EIF5A2: variants seen among roughly 807,000 people sequenced by gnomAD.
EIF5A2 encodes the protein eukaryotic translation initiation factor 5A-2.
In EIF5A2, 15 loss-of-function variants were observed where a neutral mutation model predicts 16.4. The observed-to-expected ratio is 0.92, with a 90% confidence interval of 0.61 to 1.41. The LOEUF is 1.41. EIF5A2 is among the 40% of genes most tolerant of loss of function. The probability of loss-of-function intolerance (pLI) is 0.00; values close to 1 mark genes in which losing one functional copy is unlikely to be tolerated. For missense variants in EIF5A2, 144 were observed against 189.5 expected, an observed-to-expected ratio of 0.76 and a Z score of 1.41; for synonymous variants, 48 against 61.1, an observed-to-expected ratio of 0.79 and a Z score of 1.00.
chr3:170,895,346 A>C (rs1712643110), intron 3 of EIF5A2, among the ~76,000 whole-genome samples: 1 of 152,112 alleles, frequency 6.6e-6, no homozygotes, highest in Admixed American at 6.5e-5. Flanking sequence ...GAAAAAAAAA[A>C]ACCCAGTTGT....
intron 3 of EIF5A2, 93 bp from the exon 4 acceptor site, chr3:170,894,516 T>C: frequency 1.8e-6 from 2 of 1,083,868 alleles, no homozygotes; most frequent in Non-Finnish European, 2.7e-6. Context: ...TATTAATTCA[T>C]ATAAGTATAC....
intron 3 of EIF5A2, among the ~76,000 whole-genome samples, chr3:170,902,361 G>T (rs1332560934): frequency 6.7e-6 from 1 of 149,506 alleles, no homozygotes; most frequent in Non-Finnish European, 1.5e-5. Context: ...GTGTGGATTT[G>T]CACTGATTAT....
In EIF5A2 at chr3:170,892,741, A is replaced by G. The variant is rs1576785529; in HGVS notation, c.*619T>C. On this transcript the variant is annotated 3_prime_UTR_variant, in exon 5 of 5. Coordinates refer to ENST00000295822, the MANE Select transcript of EIF5A2 (RefSeq NM_020390.6). The stretch of plus-strand genomic sequence containing the variant: ...ACAGTTCAGTGCCCTTCTGCCAACC[A>G]TAAGAAGGGACTAAAACCACCATAT... 1.3e-5 allele frequency: 5 copies of G among 398,598 alleles called. No individual in the cohort carries two copies. Among genetic ancestry groups the G allele is most frequent in the East Asian group, 3.6e-5 (1 of 28,052 alleles). 24.7% of individuals were successfully genotyped at this position (398,598 alleles called of 1,614,324 possible).
intron 3 of EIF5A2, among the ~76,000 whole-genome samples, chr3:170,895,395 G>A (rs1051595565): frequency 6.6e-6 from 1 of 151,016 alleles, no homozygotes; most frequent in Non-Finnish European, 1.5e-5. Flanking sequence ...TGATACCACT[G>A]AACTTCTTTT....
intron 4 of EIF5A2, among the ~76,000 whole-genome samples, chr3:170,893,657 C>A (rs146924911): frequency 1.3e-5 from 2 of 152,154 alleles, no homozygotes; most frequent in Non-Finnish European, 2.9e-5. Context: ...ACTTACTACC[C>A]GTTACATTTC....
intron 3 of EIF5A2, among the ~76,000 whole-genome samples, chr3:170,904,358 C>T (rs974280248): frequency 6.6e-6 from 1 of 152,096 alleles, no homozygotes; most frequent in African/African-American, 2.4e-5. Flanking sequence ...AGCCAACTGC[C>T]GAACTGGCAC....
chr3:170,897,443 G>T (rs572085031), intron 3 of EIF5A2, among the ~76,000 whole-genome samples: 2 of 152,334 alleles, frequency 1.3e-5, no homozygotes, highest in Admixed American at 1.3e-4. Flanking sequence ...GAGCCCTGCT[G>T]CTCTGTATAG....
chr3:170,893,716 A>G (rs1180149253), intron 4 of EIF5A2, among the ~76,000 whole-genome samples: 2 of 152,202 alleles, frequency 1.3e-5, no homozygotes, highest in African/African-American at 4.8e-5. Flanking sequence ...TTAACATTCC[A>G]CTAGCATCAT....
chr3:170,907,476 T>C (rs985209928), intron 2 of EIF5A2, among the ~76,000 whole-genome samples, 166 bp downstream of exon 2: 2 of 152,234 alleles, frequency 1.3e-5, no homozygotes, highest in African/African-American at 4.8e-5. Context: ...AAGGGAATGC[T>C]ACCTTTAAGT....
chr3:170,896,589 T>A (rs1712678919), intron 3 of EIF5A2, among the ~76,000 whole-genome samples: 1 of 152,190 alleles, frequency 6.6e-6, no homozygotes, highest in Non-Finnish European at 1.5e-5. Flanking sequence ...TGCTTCCCCT[T>A]CGCCTTCTGC....
intron 3 of EIF5A2, among the ~76,000 whole-genome samples, chr3:170,895,360 C>G (rs1196371000): frequency 6.6e-6 from 1 of 151,784 alleles, no homozygotes; most frequent in Non-Finnish European, 1.5e-5. Flanking sequence ...CAGTTGTCAA[C>G]CCAACCTGCA....
In EIF5A2 at chr3:170,893,424, A is replaced by G; in HGVS notation, c.403-5T>C. 6.2e-7 allele frequency: 1 copy of G among 1,613,828 alleles called. No individual in the cohort carries two copies. The highest frequency in any genetic ancestry group is 8.5e-7 in the Non-Finnish European group (1 of 1,179,942). ...CATTGCACACATGACAGACACCTAG[A>G]AGGAAAAAAGCAGGCAAAACGTTAT... On this transcript the variant is annotated splice_region_variant and splice_polypyrimidine_tract_variant and intron_variant, in intron 4 of 4. Transcript: ENST00000295822.
intron 3 of EIF5A2, among the ~76,000 whole-genome samples, chr3:170,901,867 T>C (rs1298269022): frequency 6.6e-6 from 1 of 152,250 alleles, no homozygotes; most frequent in Non-Finnish European, 1.5e-5. Flanking sequence ...AGTGTAGCAC[T>C]CTTGTGCTAC....
rs1712572287 is a variant in EIF5A2 at position 170,892,983 on chromosome 3, A to G, written c.*377T>C. ...AATTAATGCAGAGCAGTTCAACTTA[A>G]ATATGGTACTTCAATACCACTTTAT... On this transcript the variant is annotated 3_prime_UTR_variant, in exon 5 of 5. Coordinates refer to ENST00000295822, the MANE Select transcript of EIF5A2 (RefSeq NM_020390.6). The G allele has an allele frequency of 2.0e-5, 8 of 404,322 alleles. No homozygotes were observed. Among genetic ancestry groups the G allele is most frequent in the Non-Finnish European group, 2.6e-5 (6 of 230,392 alleles). 25.0% of individuals were successfully genotyped at this position (404,322 alleles called of 1,614,324 possible). A position where few individuals can be genotyped will look rare whatever the true frequency, so the allele number is the denominator to read the frequency against.
Position 170,907,728 on chromosome 3 carries a change from T to C in EIF5A2, c.79A>G (p.Lys27Glu). Residue 27 changes from lysine to glutamate, a missense_variant, in exon 2 of 5, where the codon AAA (lysine) becomes GAA (glutamate). Coordinates refer to ENST00000295822, the MANE Select transcript of EIF5A2 (RefSeq NM_020390.6). ...CCTTTGAGCACCACGAAGCCGTTTT[T>C]GCGCAAGGCCGAGCACTGCATAGGG... ...TYPMQCSALR[K>E]NGFVVLKGRP... 1.2e-6 allele frequency: 2 copies of C among 1,610,690 alleles called. No individual in the cohort carries two copies. The highest frequency in any genetic ancestry group is 8.5e-7 in the Non-Finnish European group (1 of 1,177,326).
chr3:170,889,048 C>CTTCTT lies in EIF5A2; in HGVS notation c.*4311_*4312insAAGAA, dbSNP rs1183125050. ...ACTTCATATAAATACAATAACCTGT[C>CTTCTT]TTTTTTTTTTTTTTTTTTTTTTTGT... On this transcript the variant is annotated 3_prime_UTR_variant, in exon 5 of 5. Transcript: ENST00000295822. 1 of 96,188 alleles carries CTTCTT rather than the reference C, an allele frequency of 1.0e-5. No individual in the cohort carries two copies. Among genetic ancestry groups the CTTCTT allele is most frequent in the Non-Finnish European group, 1.9e-5 (1 of 52,950 alleles). 6.0% of individuals were successfully genotyped at this position (96,188 alleles called of 1,614,324 possible). A position where few individuals can be genotyped will look rare whatever the true frequency, so the allele number is the denominator to read the frequency against.
chr3:170,897,216 T>C (rs1317449032), intron 3 of EIF5A2, among the ~76,000 whole-genome samples: 1 of 152,150 alleles, frequency 6.6e-6, no homozygotes, highest in Non-Finnish European at 1.5e-5. Flanking sequence ...GTTTGAAAAA[T>C]GTACATCCTG....
Position 170,893,351 on chromosome 3 carries a change from T to C in EIF5A2, c.*9A>G. 6.2e-7 allele frequency: 1 copy of C among 1,613,928 alleles called. No individual in the cohort carries two copies. The highest frequency in any genetic ancestry group is 8.5e-7 in the Non-Finnish European group (1 of 1,179,944). ...AGACATAAACAGTGTTCATGCCTGA[T>C]GTTTCCGTTTATTTGCAGGGTTTTA... On this transcript the variant is annotated 3_prime_UTR_variant, in exon 5 of 5. Transcript: ENST00000295822.
chr3:170,902,021 C>T (rs1020957625), intron 3 of EIF5A2, among the ~76,000 whole-genome samples: 26 of 152,126 alleles, frequency 1.7e-4, no homozygotes, highest in Non-Finnish European at 3.1e-4. Flanking sequence ...CATCAAGCCA[C>T]ACAACTGGGA....
Sources: gnomAD v4.1 joint callset for allele counts (sites outside exome capture counted in the v4.1 genomes callset) on GRCh38, gnomAD v4.1.1 for gene constraint, MANE v1.5 for transcripts, NCBI Gene and HGNC (gene_info 2026-07-23, HGNC 2026-07-21) for gene names.